Variants in PCDH9 observed in about 807,000 individuals in gnomAD.
PCDH9 encodes the protein protocadherin 9, also known as protocadherin-9.
PCDH9 carries 24 observed loss-of-function variants against 70.6 expected under a neutral mutation model. The observed-to-expected ratio is 0.34, with a 90% confidence interval of 0.25 to 0.48. PCDH9 has a LOEUF of 0.48. Ranked by LOEUF, PCDH9 falls within the 20% of genes least tolerant of loss-of-function variation. PCDH9 has a pLI of 0.99. For synonymous variants in PCDH9, 562 were observed against 558.5 expected (o/e 1.01, Z -0.09); for missense variants, 1,281 against 1,503.6 (o/e 0.85, Z 2.45).
At chr13:67,224,253 T>C (rs2089796614) in intron 2 of PCDH9, 1 of 152,222 alleles carries the variant, frequency 6.6e-6, no homozygotes, top group Non-Finnish European at 1.5e-5. Context: ...AAAGTTGGTG[T>C]GCTGAGAGCT....
chr13:66,684,910 A>C (rs1446713136), intron 3 of PCDH9, among the ~76,000 whole-genome samples: 1 of 152,150 alleles, frequency 6.6e-6, no homozygotes, highest in Non-Finnish European at 1.5e-5. Flanking sequence ...AGACTTGTTG[A>C]ATGCAAAATG....
chr13:66,718,427 T>C (rs949287403), intron 3 of PCDH9, among the ~76,000 whole-genome samples: 32 of 152,232 alleles, frequency 2.1e-4, no homozygotes, highest in African/African-American at 7.7e-4. Context: ...GGGATTTCAA[T>C]GTAGGACTCC....
chr13:66,489,570 TTAAAA>T (rs1277367582), intron 4 of PCDH9, among the ~76,000 whole-genome samples: 1 of 152,152 alleles, frequency 6.6e-6, no homozygotes, highest in African/African-American at 2.4e-5. Flanking sequence ...CTTCAGCTTC[TTAAAA>T]TGCTGAGATT....
At chr13:66,645,542 A>C (rs560993229) in intron 3 of PCDH9, among the ~76,000 whole-genome samples, 1 of 152,248 alleles carries the variant, frequency 6.6e-6, no homozygotes, top group Admixed American at 6.5e-5. Flanking sequence ...TATAAAACTG[A>C]TATTTCTAAA....
intron 4 of PCDH9, among the ~76,000 whole-genome samples, chr13:66,558,364 G>A (rs543671948): frequency 7.2e-5 from 11 of 151,980 alleles, no homozygotes; most frequent in Non-Finnish European, 1.5e-4. Flanking sequence ...AGTCATAAAA[G>A]AAGTGAAGGG....
At chr13:66,708,228 T>G (rs916120431) in intron 3 of PCDH9, among the ~76,000 whole-genome samples, 5 of 151,178 alleles carry the variant, frequency 3.3e-5, no homozygotes, top group African/African-American at 7.3e-5. Flanking sequence ...TTTTTGTATT[T>G]TTAGTAGAGA....
intron 2 of PCDH9, among the ~76,000 whole-genome samples, chr13:66,909,458 A>T (rs1938297298): frequency 6.6e-6 from 1 of 152,012 alleles, no homozygotes; most frequent in Non-Finnish European, 1.5e-5. Context: ...ATATCCTTTT[A>T]AAAAAACACA....
chr13:67,102,154 C>T (rs1354312505), intron 2 of PCDH9, among the ~76,000 whole-genome samples: 1 of 152,080 alleles, frequency 6.6e-6, no homozygotes. Flanking sequence ...TAAAGTGGAT[C>T]AAAGGTGAAG....
At chr13:66,943,315 G>A (rs529833526) in intron 2 of PCDH9, among the ~76,000 whole-genome samples, 22 of 151,632 alleles carry the variant, frequency 1.5e-4, no homozygotes, top group African/African-American at 3.6e-4. Flanking sequence ...TGAATTGCTC[G>A]GCCTCTTTTG....
At chr13:66,653,413 C>T (rs2077880100) in intron 3 of PCDH9, among the ~76,000 whole-genome samples, 1 of 152,104 alleles carries the variant, frequency 6.6e-6, no homozygotes, top group Non-Finnish European at 1.5e-5. Context: ...TGAAAAGGTG[C>T]TCAACATCAT....
intron 4 of PCDH9, among the ~76,000 whole-genome samples, chr13:66,370,388 C>A (rs1251550707): frequency 6.6e-6 from 1 of 152,112 alleles, no homozygotes; most frequent in Non-Finnish European, 1.5e-5. Flanking sequence ...ATTGTTTACC[C>A]CTTTTTGTTT....
chr13:66,314,130 G>C (rs1955610770), intron 4 of PCDH9, among the ~76,000 whole-genome samples: 1 of 152,186 alleles, frequency 6.6e-6, no homozygotes, highest in Admixed American at 6.5e-5. Context: ...TGGGTCCTGA[G>C]TTCCTGCATT....
chr13:67,035,438 G>A (rs539619079), intron 2 of PCDH9, among the ~76,000 whole-genome samples: 3 of 151,976 alleles, frequency 2.0e-5, no homozygotes, highest in African/African-American at 7.2e-5. Flanking sequence ...AGTTTCTTAA[G>A]TGAACACTTA....
At chr13:66,871,417 AAAT>A (rs997639593) in intron 3 of PCDH9, among the ~76,000 whole-genome samples, 62 of 124,782 alleles carry the variant, frequency 5.0e-4, no homozygotes, top group African/African-American at 2.0e-3. Flanking sequence ...TAAAAATAAA[AAAT>A]AAATAAAATT....
intron 3 of PCDH9, among the ~76,000 whole-genome samples, chr13:66,675,121 A>G (rs1056291234): frequency 2.6e-5 from 4 of 152,128 alleles, no homozygotes; most frequent in African/African-American, 9.6e-5. Flanking sequence ...CAGATTCCTT[A>G]TCTGTAAAAT....
chr13:66,577,772 A>G (rs988488493), intron 4 of PCDH9, among the ~76,000 whole-genome samples: 1 of 152,140 alleles, frequency 6.6e-6, no homozygotes, highest in East Asian at 1.9e-4. Flanking sequence ...TTTCAGAGTT[A>G]TGGATTTTAG....
chr13:66,951,226 CT>C (rs1233644005), intron 2 of PCDH9, among the ~76,000 whole-genome samples: 3 of 151,902 alleles, frequency 2.0e-5, no homozygotes, highest in African/African-American at 7.2e-5. Flanking sequence ...AAATATATAC[CT>C]TTTTTTGTAA....
rs560848404 is a variant in PCDH9 at position 67,101,355 on chromosome 13, C to G, written c.3036+124050G>C. Among the ~76,000 whole-genome samples the G allele has an allele frequency of 5.9e-5, 9 of 152,266 alleles. No homozygotes were observed. In the South Asian group the frequency reaches 1.9e-3, roughly 32 times the overall value. ...GGGAGTATATTTCATGTATGAATAG[C>G]AAACTCATTGGTATTTTATATTTCA... On this transcript the variant is annotated intron_variant, in intron 2 of 4. Transcript: ENST00000377865.
chr13:66,834,755 GT>G (rs1363204739), intron 3 of PCDH9, among the ~76,000 whole-genome samples: 1 of 152,144 alleles, frequency 6.6e-6, no homozygotes, highest in Non-Finnish European at 1.5e-5. Context: ...AATGCATAAT[GT>G]TTACTCAAAT....
Sources: allele counts gnomAD v4.1 joint callset (sites outside exome capture counted in the v4.1 genomes callset), GRCh38; gene constraint gnomAD v4.1.1; transcripts MANE v1.5; gene names NCBI Gene and HGNC (gene_info 2026-07-23, HGNC 2026-07-21).